The following PBX1 variants were observed in gnomAD, a reference collection of about 807,000 sequenced individuals.
PBX1 encodes PBX homeobox 1, also known as pre-B-cell leukemia transcription factor 1.
A neutral mutation model predicts 53.4 loss-of-function variants in PBX1; 6 were observed. That is an observed-to-expected ratio of 0.11 (90% CI 0.06 to 0.22). The LOEUF (loss-of-function observed/expected upper bound fraction) is 0.22. Ranked by LOEUF, PBX1 falls within the 10% of genes least tolerant of loss-of-function variation. The pLI is 1.00. For synonymous variants in PBX1, 204 were observed against 212.3 expected, an observed-to-expected ratio of 0.96 and a Z score of 0.34; for missense variants, 251 against 551.4, an observed-to-expected ratio of 0.46 and a Z score of 5.46.
At chr1:164,748,060 C>T (rs903419084) in intron 2 of PBX1, among the ~76,000 whole-genome samples, 2 of 152,090 alleles carry the variant, frequency 1.3e-5, no homozygotes, top group Non-Finnish European at 1.5e-5. Flanking sequence ...ACAGTATGGG[C>T]ACCATTCGTG....
intron 2 of PBX1, among the ~76,000 whole-genome samples, chr1:164,648,618 A>G (rs1235768403): frequency 6.6e-6 from 1 of 152,152 alleles, no homozygotes; most frequent in Non-Finnish European, 1.5e-5. Context: ...AAGGGGATCA[A>G]ACTTGTTTAT....
In PBX1 at chr1:164,748,309, C is replaced by T. The variant is rs1666011760; in HGVS notation, c.266-44185C>T. Among the ~76,000 whole-genome samples, 5 of 152,106 alleles carry T rather than the reference C, an allele frequency of 3.3e-5. No individual in the cohort carries two copies. In the South Asian group the frequency reaches 6.2e-4, roughly 19 times the overall value. ...GGTTCGACTGACTTTCCTCGCCTCA[C>T]GTTTCCTGCTGGCTTCTAGAAGCAG... On this transcript the variant is annotated intron_variant, in intron 2 of 8. Coordinates refer to ENST00000420696, the MANE Select transcript of PBX1 (RefSeq NM_002585.4).
At chr1:164,776,979 G>GATGT in intron 2 of PBX1, among the ~76,000 whole-genome samples, 1 of 76,064 alleles carries the variant, frequency 1.3e-5, no homozygotes, top group Admixed American at 1.1e-4. Context: ...GAGAGAGAGA[G>GATGT]GAGGTGTGGG....
chr1:164,829,420 A>C (rs905809398), intron 8 of PBX1: 13 of 152,236 alleles, frequency 8.5e-5, no homozygotes, highest in Non-Finnish European at 1.6e-4. Flanking sequence ...GCATTGATGG[A>C]AATGTTCTAT....
rs183733167 is a variant in PBX1, at chr1:164,751,278, G to T, written c.266-41216G>T. 1.3e-3 allele frequency among the ~76,000 whole-genome samples: 192 copies of T among 146,622 alleles called. 1 individual carries two copies. Among genetic ancestry groups the T allele is most frequent in the African/African-American group, 4.7e-3 (185 of 39,098 alleles). ...GGCAGTGAGCTGAGATCACGCCACT[G>T]CACTCCAGCCTGGGTGACAGAGTGA... is the stretch of plus-strand genomic sequence containing the variant. On this transcript the variant is annotated intron_variant, in intron 2 of 8. Transcript: ENST00000420696.
intron 2 of PBX1, among the ~76,000 whole-genome samples, chr1:164,565,135 G>C (rs1229000568): frequency 6.6e-6 from 1 of 152,088 alleles, no homozygotes; most frequent in Non-Finnish European, 1.5e-5. Context: ...AGATTAAAGT[G>C]GGTGGGTGTG....
chr1:164,569,564 A>AT (rs71097535), intron 2 of PBX1, among the ~76,000 whole-genome samples: 19,041 of 78,160 alleles, frequency 0.24, 5,369 homozygotes, highest in Middle Eastern at 0.29. Flanking sequence ...TTTTCCTTGC[A>AT]TTTTTTTTTT....
intron 2 of PBX1, among the ~76,000 whole-genome samples, chr1:164,776,189 C>G (rs1024431890): frequency 6.6e-6 from 1 of 152,078 alleles, no homozygotes; most frequent in African/African-American, 2.4e-5. Flanking sequence ...ATTGAATGCG[C>G]GGTATAAATT....
chr1:164,843,198 T>C (rs1671389059), intron 8 of PBX1, among the ~76,000 whole-genome samples: 1 of 152,190 alleles, frequency 6.6e-6, no homozygotes, highest in African/African-American at 2.4e-5. Context: ...TATCTTATGA[T>C]GGTTTTAGCA....
intron 2 of PBX1, among the ~76,000 whole-genome samples, chr1:164,716,655 C>T (rs558403121): frequency 1.4e-5 from 2 of 141,084 alleles, no homozygotes; most frequent in Admixed American, 7.2e-5. Context: ...AGTTTGAGAC[C>T]AGCCTGGGCA....
intron 3 of PBX1, among the ~76,000 whole-genome samples, chr1:164,796,915 C>T (rs1055843180): frequency 6.6e-6 from 1 of 152,198 alleles, no homozygotes. Flanking sequence ...CCTGTCCTAT[C>T]GGAAGTAGCC....
chr1:164,754,704 A>T (rs751062370), intron 2 of PBX1, among the ~76,000 whole-genome samples: 12 of 151,840 alleles, frequency 7.9e-5, no homozygotes, highest in African/African-American at 1.9e-4. Context: ...TGTGTGTGTG[A>T]GAGAGAGAGA....
chr1:164,817,776 T>C (rs935192559), intron 6 of PBX1: 2 of 152,254 alleles, frequency 1.3e-5, no homozygotes, highest in African/African-American at 2.4e-5. Flanking sequence ...GGACATCATG[T>C]AGCCCTTTGG....
intron 2 of PBX1, among the ~76,000 whole-genome samples, chr1:164,599,262 ATTAATT>A (rs1655995977): frequency 6.6e-6 from 1 of 151,664 alleles, no homozygotes; most frequent in Admixed American, 6.6e-5. Flanking sequence ...TTAATTAATT[ATTAATT>A]TTAAGTTCTG....
chr1:164,829,873 AATTAATACTG>A (rs1284678442), intron 8 of PBX1: 3 of 152,198 alleles, frequency 2.0e-5, no homozygotes, highest in Admixed American at 1.3e-4. Flanking sequence ...GACAATGAAG[AATTAATACTG>A]ATTAGCTGCT....
At chr1:164,694,810 C>T (rs1662715461) in intron 2 of PBX1, among the ~76,000 whole-genome samples, 1 of 152,178 alleles carries the variant, frequency 6.6e-6, no homozygotes, top group Admixed American at 6.5e-5. Flanking sequence ...AAACTAAACA[C>T]ATTCTAACTA....
chr1:164,760,868 C>T (rs559352516), intron 2 of PBX1, among the ~76,000 whole-genome samples: 50 of 152,306 alleles, frequency 3.3e-4, no homozygotes, highest in African/African-American at 1.0e-3. Flanking sequence ...TTTTTCACCT[C>T]GGACATTTCC....
intron 4 of PBX1, among the ~76,000 whole-genome samples, chr1:164,802,187 A>G (rs1021571958): frequency 6.6e-6 from 1 of 152,240 alleles, no homozygotes; most frequent in Non-Finnish European, 1.5e-5. Context: ...TTAGCTTTCT[A>G]TTGCTGCGTA....
intron 8 of PBX1, among the ~76,000 whole-genome samples, chr1:164,835,239 GT>G (rs71670294): frequency 0.094 from 12,816 of 135,948 alleles, 649 homozygotes; most frequent in African/African-American, 0.16. Flanking sequence ...TTTGATTTTG[GT>G]TTTTTTTTTT....
Sources: gnomAD v4.1 joint callset for allele counts (sites outside exome capture counted in the v4.1 genomes callset) on GRCh38, gnomAD v4.1.1 for gene constraint, MANE v1.5 for transcripts, NCBI Gene and HGNC (gene_info 2026-07-23, HGNC 2026-07-21) for gene names.